The following NR4A2 variants were observed in gnomAD, a reference collection of about 807,000 sequenced individuals.
NR4A2 encodes nuclear receptor subfamily 4 group A member 2.
Under a neutral mutation model 50.5 loss-of-function variants are expected in NR4A2, and 1 was observed. The observed-to-expected ratio is 0.02, with a 90% CI of 0.01 to 0.09. The LOEUF is 0.09. Among genes scored for constraint, NR4A2 ranks in the 10% least tolerant of loss-of-function variants. The pLI, the probability that NR4A2 is intolerant of heterozygous loss-of-function variation, is 1.00. For synonymous variants in NR4A2, 328 were observed against 309.4 expected (o/e 1.06, Z -0.63); for missense variants, 613 against 777.3 (o/e 0.79, Z 2.51).
Position 156,328,040 on chromosome 2 carries a change from C to T in NR4A2, c.995-26G>A. On this transcript the variant is annotated intron_variant, in intron 4 of 7. Transcript: ENST00000339562. The surrounding 1 kb of genome is among the most constrained non-coding windows in gnomAD (Gnocchi z 4.9). ...CTGCAAAGGAAGAGCCCTGTTAGCG[C>T]CGCTTTTCCGAGCCCAGGCCCAGCT... 6.3e-7 allele frequency: 1 copy of T among 1,594,350 alleles called. No homozygotes were observed. The highest frequency in any genetic ancestry group is 8.6e-7 in the Non-Finnish European group (1 of 1,169,266).
At position 156,326,442 on chromosome 2, in the gene NR4A2, A is replaced by G; in HGVS notation, c.1362-114T>C. On this transcript the variant is annotated intron_variant, in intron 6 of 7. Coordinates refer to ENST00000339562, the MANE Select transcript of NR4A2 (RefSeq NM_006186.4). This position sits in a 1 kb window ranked among gnomAD's most constrained non-coding sequence, Gnocchi z 4.2. ...TTTAAGAGTCACCTAATTACTGAAG[A>G]GTTAATAAAATGTAGACCAGTGGAC... 2.8e-6 allele frequency: 3 copies of G among 1,058,168 alleles called. No individual in the cohort carries two copies. Among genetic ancestry groups the G allele is most frequent in the Non-Finnish European group, 4.3e-6 (3 of 690,060 alleles). The allele number at this position is 1,058,168 out of a possible 1,614,324, so 65.5% of individuals were successfully genotyped here.
In NR4A2 at chr2:156,326,637, T is replaced by C; in HGVS notation, c.1361+81A>G. On this transcript the variant is annotated intron_variant, in intron 6 of 7. Coordinates refer to ENST00000339562, the MANE Select transcript of NR4A2 (RefSeq NM_006186.4). The surrounding 1 kb of genome is among the most constrained non-coding windows in gnomAD (Gnocchi z 4.2). ...CTGTCTTTTTCTCTACCCCACCCTC[T>C]GGTTTCCCTTCCTCCCTTTCTTTTC... 1 of 1,437,046 alleles carries C rather than the reference T, an allele frequency of 7.0e-7. No individual in the cohort carries two copies. The highest frequency in any genetic ancestry group is 1.1e-5 in the South Asian group (1 of 87,204). The allele number at this position is 1,437,046 out of a possible 1,614,324, so 89.0% of individuals were successfully genotyped here. A position where few individuals can be genotyped will look rare whatever the true frequency, so the allele number is the denominator to read the frequency against.
chr2:156,325,415 TA>T lies in NR4A2; in HGVS notation c.*328del. 2.7e-6 allele frequency: 1 copy of T among 370,442 alleles called. No individual in the cohort carries two copies. Among genetic ancestry groups the T allele is most frequent in the Non-Finnish European group, 5.2e-6 (1 of 193,078 alleles). 22.9% of individuals were successfully genotyped at this position (370,442 alleles called of 1,614,324 possible). Reference sequence around the variant, plus strand: ...TGGCCAAACATTTCCCATTATACATTATAGCAATCTTTCTTCTGAACAACAA... The same window carrying T: ...TGGCCAAACATTTCCCATTATACATTTAGCAATCTTTCTTCTGAACAACAA... On this transcript the variant is annotated 3_prime_UTR_variant, in exon 8 of 8. Transcript: ENST00000339562.
Position 156,330,083 on chromosome 2 carries a change from A to C in NR4A2, c.104T>G (p.Leu35Ter), listed in dbSNP as rs760924999. The change falls in exon 3 of 8, where the codon TTA (leucine) becomes TGA (stop). Residue 35 changes from leucine (L) to a stop codon, truncating the protein, a stop_gained. Coordinates refer to ENST00000339562, the MANE Select transcript of NR4A2 (RefSeq NM_006186.4). LOFTEE classifies it high-confidence loss of function. ...GCTAAACTTGACAAACTCTGGAGTT[A>C]AGAAATCGGAGCTGTATTCTCCCGA... ...HSSGEYSSDF[L>*]TPEFVKFSMD... 6.2e-7 allele frequency: 1 copy of C among 1,614,208 alleles called. No individual in the cohort carries two copies. Among genetic ancestry groups the C allele is most frequent in the Non-Finnish European group, 8.5e-7 (1 of 1,180,044 alleles).
At position 156,325,475 on chromosome 2, in the gene NR4A2, C is replaced by A; in HGVS notation, c.*269G>T. ...TTAAACTGAGAATAAAAAGTTTATA[C>A]CACTGTATTGTGTGTAGTCCATGTT... On this transcript the variant is annotated 3_prime_UTR_variant, in exon 8 of 8. Transcript: ENST00000339562. 1 of 487,032 alleles carries A rather than the reference C, an allele frequency of 2.1e-6. No individual in the cohort carries two copies. Among genetic ancestry groups the A allele is most frequent in the South Asian group, 2.1e-5 (1 of 47,784 alleles). The allele number at this position is 487,032 out of a possible 1,614,324, so 30.2% of individuals were successfully genotyped here.
Position 156,327,833 on chromosome 2 carries a change from C to G in NR4A2, c.1158+18G>C, listed in dbSNP as rs200725623. The G allele has an allele frequency of 6.4e-7, 1 of 1,563,354 alleles. No individual in the cohort carries two copies. Among genetic ancestry groups the G allele is most frequent in the East Asian group, 2.4e-5 (1 of 42,490 alleles). Reference sequence around the variant, plus strand: ...CTGTCGGTTTGTCCACATGATATCCCCCCCGCCAGCTTCTTACCCTGGAAT... The same window carrying G: ...CTGTCGGTTTGTCCACATGATATCCGCCCCGCCAGCTTCTTACCCTGGAAT... On this transcript the variant is annotated intron_variant, in intron 5 of 7. Coordinates refer to ENST00000339562, the MANE Select transcript of NR4A2 (RefSeq NM_006186.4).
Position 156,327,878 on chromosome 2 carries a change from C to G in NR4A2, c.1131G>C (p.Pro377=), listed in dbSNP as rs775946202. Residue 377 remains proline (P), a synonymous_variant, in exon 5 of 8, where the codon CCG becomes CCC. Transcript: ENST00000339562. ...TGGAATAGTCCAGGCTGGTCATAGC[C>G]GGGTTGGAGTCGACATGGGCCCTGA... is the stretch of plus-strand genomic sequence containing the variant. ...ALVRAHVDSN[P]AMTSLDYSRF... 1.3e-6 allele frequency: 2 copies of G among 1,590,190 alleles called. No individual in the cohort carries two copies. The highest frequency in any genetic ancestry group is 1.8e-5 in the Admixed American group (1 of 56,540).
Position 156,328,950 on chromosome 2 carries a change from A to G in NR4A2, c.864+373T>C, listed in dbSNP as rs1686778087. 6.6e-6 allele frequency among the ~76,000 whole-genome samples: 1 copy of G among 152,238 alleles called. No individual in the cohort carries two copies. The highest frequency in any genetic ancestry group is 2.1e-4 in the South Asian group (1 of 4,834). Reference sequence around the variant, plus strand: ...ATTTGACCATAGGGAATTCTGTTCCACTTGGTTAGCTCAGACACGGTTCTC... The same window carrying G: ...ATTTGACCATAGGGAATTCTGTTCCGCTTGGTTAGCTCAGACACGGTTCTC... On this transcript the variant is annotated intron_variant, in intron 3 of 7. Transcript: ENST00000339562. The surrounding 1 kb of genome is among the most constrained non-coding windows in gnomAD (Gnocchi z 4.9).
rs1686764330 is a variant in NR4A2 at position 156,328,587 on chromosome 2, G to A, written c.865-54C>T. On this transcript the variant is annotated intron_variant, in intron 3 of 7. Transcript: ENST00000339562. The surrounding 1 kb of genome is among the most constrained non-coding windows in gnomAD (Gnocchi z 4.9). The stretch of plus-strand genomic sequence containing the variant: ...TTTTTTTTCTTCTTTTGAAAATCAG[G>A]CAACTCGGAGAAAATTTCTGTTATG... 6.2e-7 allele frequency: 1 copy of A among 1,612,306 alleles called. No homozygotes were observed. The highest frequency in any genetic ancestry group is 1.3e-5 in the African/African-American group (1 of 74,834).
rs1686791372 is a variant in NR4A2 at position 156,329,170 on chromosome 2, G to T, written c.864+153C>A. On this transcript the variant is annotated intron_variant, in intron 3 of 7. Transcript: ENST00000339562. The surrounding 1 kb of genome is among the most constrained non-coding windows in gnomAD (Gnocchi z 7.5). Reference sequence around the variant, plus strand: ...CCGGAAGTCCCCGCCGCAGCCCATGGTCTCCTGCAGGGCAGCTTCGGCGGA... The same window carrying T: ...CCGGAAGTCCCCGCCGCAGCCCATGTTCTCCTGCAGGGCAGCTTCGGCGGA... Among the ~76,000 whole-genome samples the T allele has an allele frequency of 6.6e-6, 1 of 152,224 alleles. No homozygotes were observed. The highest frequency in any genetic ancestry group is 2.4e-5 in the African/African-American group (1 of 41,462).
chr2:156,328,347 T>C lies in NR4A2; in HGVS notation c.994+57A>G. On this transcript the variant is annotated intron_variant, in intron 4 of 7. Coordinates refer to ENST00000339562, the MANE Select transcript of NR4A2 (RefSeq NM_006186.4). The surrounding 1 kb of genome is among the most constrained non-coding windows in gnomAD (Gnocchi z 4.9). ...GGAAGTGGAACGTGATGCTGGAGTA[T>C]GAGCAGTGGTTTCCTAAAGGCGCAA... 6.2e-7 allele frequency: 1 copy of C among 1,613,190 alleles called. No individual in the cohort carries two copies. The highest frequency in any genetic ancestry group is 8.5e-7 in the Non-Finnish European group (1 of 1,179,450).
chr2:156,325,753 T>C lies in NR4A2; in HGVS notation c.1788A>G (p.Leu596=). ...AIIDKLFLDT[L]PF is the part of the protein sequence containing the mutation. The stretch of plus-strand genomic sequence containing the variant: ...TGCTTGGGAGGAGGTCTTAGAAAGG[T>C]AAAGTGTCCAGGAAAAGTTTGTCAA... The change falls in exon 8 of 8, where the codon TTA becomes TTG. Residue 596 remains leucine (L), a synonymous_variant. Coordinates refer to ENST00000339562, the MANE Select transcript of NR4A2 (RefSeq NM_006186.4). 6.2e-7 allele frequency: 1 copy of C among 1,614,014 alleles called. No individual in the cohort carries two copies.
At position 156,326,302 on chromosome 2, in the gene NR4A2, A is replaced by G. The variant is rs753367155; in HGVS notation, c.1388T>C (p.Ile463Thr). 8 of 1,614,116 alleles carry G rather than the reference A, an allele frequency of 5.0e-6. No homozygotes were observed. Among genetic ancestry groups the G allele is most frequent in the Non-Finnish European group, 5.9e-6 (7 of 1,180,034 alleles). ...GTGCAAGACCACCCCATTGCAAAAG[A>G]TGAGTTTACCCTCCACTGGGTTGGA... ...YRSNPVEGKL[I>T]FCNGVVLHRL... Residue 463 changes from isoleucine to threonine, a missense_variant, in exon 7 of 8, where the codon ATC becomes ACC. Transcript: ENST00000339562. The surrounding 1 kb of genome is among the most constrained non-coding windows in gnomAD (Gnocchi z 4.2).
intron 5 of NR4A2, 92 bp downstream of exon 5, chr2:156,327,759 C>T: frequency 1.3e-6 from 2 of 1,486,414 alleles, no homozygotes; most frequent in Non-Finnish European, 1.8e-6. Flanking sequence ...TTCTTTACCC[C>T]CGTTGAATCT....
Position 156,328,258 on chromosome 2 carries a change from G to T in NR4A2, c.994+146C>A. 7.3e-7 allele frequency: 1 copy of T among 1,370,770 alleles called. No homozygotes were observed. The highest frequency in any genetic ancestry group is 1.0e-6 in the Non-Finnish European group (1 of 970,692). The allele number at this position is 1,370,770 out of a possible 1,614,324, so 84.9% of individuals were successfully genotyped here. A position where few individuals can be genotyped will look rare whatever the true frequency, so the allele number is the denominator to read the frequency against. On this transcript the variant is annotated intron_variant, in intron 4 of 7. Transcript: ENST00000339562. The surrounding 1 kb of genome is among the most constrained non-coding windows in gnomAD (Gnocchi z 4.9). ...GGCGGCTTTCTCTAGGGAAGGCCGG[G>T]CAAGCAGGCAGCTGCAGGGTCCTGG...
chr2:156,332,416 A>C, intron 1 of NR4A2, 64 bp downstream of exon 1: 1 of 1,229,018 alleles, frequency 8.1e-7, no homozygotes, highest in Non-Finnish European at 1.1e-6. Context: ...AGTGGAAAGA[A>C]GAGACGTGCA....
chr2:156,331,339 TA>T (rs1306888187), intron 1 of NR4A2, among the ~76,000 whole-genome samples: 1 of 152,240 alleles, frequency 6.6e-6, no homozygotes, highest in African/African-American at 2.4e-5. Flanking sequence ...TCCGCACTTC[TA>T]AAGTGCTTTT....
rs758725361 is a variant in NR4A2 at position 156,326,362 on chromosome 2, A to G, written c.1362-34T>C. On this transcript the variant is annotated intron_variant, in intron 6 of 7. Coordinates refer to ENST00000339562, the MANE Select transcript of NR4A2 (RefSeq NM_006186.4). This position sits in a 1 kb window ranked among gnomAD's most constrained non-coding sequence, Gnocchi z 4.2. ...AATACCAAAGAGAGAGAGGGGAGAA[A>G]AAGAGAGAGAGAAAAGCTAAACAAC... 6.3e-7 allele frequency: 1 copy of G among 1,584,846 alleles called. No individual in the cohort carries two copies. The highest frequency in any genetic ancestry group is 8.7e-7 in the Non-Finnish European group (1 of 1,153,410).
chr2:156,326,014 A>T lies in NR4A2; in HGVS notation c.1541-14T>A. 1.2e-6 allele frequency: 2 copies of T among 1,614,184 alleles called. No homozygotes were observed. The highest frequency in any genetic ancestry group is 1.1e-5 in the South Asian group (1 of 91,082). Reference sequence around the variant, plus strand: ...GCCCGTGTCTCTCTGCAGAAAACATAATCAGAAACAAAAGAAGAATGTACA... The same window carrying T: ...GCCCGTGTCTCTCTGCAGAAAACATTATCAGAAACAAAAGAAGAATGTACA... On this transcript the variant is annotated splice_polypyrimidine_tract_variant and intron_variant, in intron 7 of 7. Transcript: ENST00000339562. The surrounding 1 kb of genome is among the most constrained non-coding windows in gnomAD (Gnocchi z 4.2).
Sources: gnomAD v4.1 joint callset for allele counts (sites outside exome capture counted in the v4.1 genomes callset) on GRCh38, gnomAD v4.1.1 for gene constraint, Gnocchi (gnomAD v3.1) non-coding constraint, MANE v1.5 for transcripts, NCBI Gene and HGNC (gene_info 2026-07-23, HGNC 2026-07-21) for gene names.